ANKFN1: variants seen among roughly 807,000 people sequenced by gnomAD.
ANKFN1 encodes ankyrin repeat and fibronectin type-III domain-containing protein 1.
In ANKFN1, 74 loss-of-function variants were observed where a neutral mutation model predicts 108.7. The observed-to-expected ratio is 0.68, with a 90% CI of 0.56 to 0.83. The LOEUF is 0.83. ANKFN1 is among the 40% of genes least tolerant of loss of function. The probability of loss-of-function intolerance (pLI) is 0.00; values close to 1 mark genes in which losing one functional copy is unlikely to be tolerated. For synonymous variants in ANKFN1, 547 were observed against 516.2 expected (o/e 1.06, Z -0.81); for missense variants, 1,505 against 1,382.3 (o/e 1.09, Z -1.41).
In ANKFN1 at chr17:56,480,678, G is replaced by A; in HGVS notation, c.1951G>A (p.Glu651Lys). Residue 651 changes from glutamate (E) to lysine (K), a missense_variant, in exon 17 of 21, where the codon GAA (glutamate) becomes AAA (lysine). Transcript: ENST00000682825. ...ENNNISREEW[E>K]WIQKLSGSES... ...TGACTCAACATACAGAGAGGAATGG[G>A]AATGGATCCAAAAGCTTTCTGGCTC... 3 of 1,613,780 alleles carry A rather than the reference G, an allele frequency of 1.9e-6. No homozygotes were observed. The highest frequency in any genetic ancestry group is 2.5e-6 in the Non-Finnish European group (3 of 1,179,816).
At chr17:56,100,221 C>T (rs1318313489) in intron 4 of ANKFN1, among the ~76,000 whole-genome samples, 1 of 152,194 alleles carries the variant, frequency 6.6e-6, no homozygotes, top group Admixed American at 6.5e-5. Flanking sequence ...CCCATCTTCT[C>T]TGCAAGGAAG....
intron 4 of ANKFN1, among the ~76,000 whole-genome samples, chr17:56,050,462 T>C (rs1904755546): frequency 7.7e-6 from 1 of 130,210 alleles, no homozygotes; most frequent in Non-Finnish European, 1.6e-5. Context: ...CATGAAGTCC[T>C]TGCCCATGCC....
At chr17:56,268,941 G>A (rs562979874) in intron 3 of ANKFN1, among the ~76,000 whole-genome samples, 2 of 152,240 alleles carry the variant, frequency 1.3e-5, no homozygotes, top group East Asian at 3.9e-4. Flanking sequence ...AAAATGCTCA[G>A]AAAATGCTTC....
At chr17:56,346,234 T>G (rs899028880) in intron 4 of ANKFN1, among the ~76,000 whole-genome samples, 2 of 152,106 alleles carry the variant, frequency 1.3e-5, no homozygotes, top group African/African-American at 4.8e-5. Flanking sequence ...CTCTGTTCTG[T>G]TCCGTTGGTC....
At chr17:56,048,298 A>G (rs9904809) in intron 4 of ANKFN1, among the ~76,000 whole-genome samples, 7,060 of 152,162 alleles carry the variant, frequency 0.046, 464 homozygotes, top group African/African-American at 0.15. Context: ...TGCCCAAAGC[A>G]TTTTTACTTC....
At chr17:56,329,640 G>A (rs12939082) in intron 4 of ANKFN1, among the ~76,000 whole-genome samples, 22,171 of 152,124 alleles carry the variant, frequency 0.15, 2,120 homozygotes, top group East Asian at 0.4. Flanking sequence ...ATTTCTATCT[G>A]TGTAAAATGG....
At chr17:56,366,329 C>A (rs138332266) in intron 6 of ANKFN1, among the ~76,000 whole-genome samples, 279 of 152,226 alleles carry the variant, frequency 1.8e-3, no homozygotes, top group African/African-American at 6.1e-3. Flanking sequence ...CTAGGGAAAG[C>A]AGAAAAATTG....
At chr17:56,331,818 A>G (rs759108) in intron 4 of ANKFN1, among the ~76,000 whole-genome samples, 75,779 of 151,928 alleles carry the variant, frequency 0.5, 19,288 homozygotes, top group Middle Eastern at 0.57. Flanking sequence ...CAAATTATCT[A>G]TTGGGTATTG....
chr17:56,497,100 G>A (rs1015565838), intron 19 of ANKFN1, among the ~76,000 whole-genome samples: 7 of 151,974 alleles, frequency 4.6e-5, no homozygotes, highest in South Asian at 4.2e-4. Flanking sequence ...ACAGTCATGC[G>A]GTGCCTTTAA....
intron 4 of ANKFN1, among the ~76,000 whole-genome samples, chr17:56,063,301 G>T (rs1194742309): frequency 6.6e-6 from 1 of 152,072 alleles, no homozygotes; most frequent in African/African-American, 2.4e-5. Flanking sequence ...GGCCTGTCTT[G>T]TTAGATTGGG....
chr17:56,129,345 A>G (rs187904131), intron 4 of ANKFN1, among the ~76,000 whole-genome samples: 69 of 152,308 alleles, frequency 4.5e-4, no homozygotes, highest in African/African-American at 1.6e-3. Context: ...TGATACCTAT[A>G]TGATATACTC....
chr17:56,260,037 C>T (rs1010033173), intron 3 of ANKFN1, among the ~76,000 whole-genome samples: 7 of 152,058 alleles, frequency 4.6e-5, no homozygotes, highest in African/African-American at 1.7e-4. Context: ...GCCATCCAAG[C>T]AGAGAGCTGC....
intron 4 of ANKFN1, among the ~76,000 whole-genome samples, chr17:56,058,447 C>T (rs1904917603): frequency 6.6e-6 from 1 of 152,220 alleles, no homozygotes; most frequent in Non-Finnish European, 1.5e-5. Flanking sequence ...CATGAACCAA[C>T]CTCTGCTAGC....
intron 16 of ANKFN1, among the ~76,000 whole-genome samples, chr17:56,479,351 G>T (rs1284174080): frequency 6.6e-6 from 1 of 152,004 alleles, no homozygotes; most frequent in Non-Finnish European, 1.5e-5. Context: ...TGTCCTTTAG[G>T]TTTATGCGTG....
Position 56,326,891 on chromosome 17 carries a change from T to A in ANKFN1, c.188+536T>A, listed in dbSNP as rs550044404. Among the ~76,000 whole-genome samples the A allele has an allele frequency of 2.0e-5, 3 of 152,262 alleles. No individual in the cohort carries two copies. In the South Asian group the frequency reaches 6.2e-4, roughly 32 times the overall value. ...TGGGTGAGTGTGCCCATAAATAACA[T>A]TATGACTGTGATACTGAGGATATCT... On this transcript the variant is annotated intron_variant, in intron 4 of 20. Transcript: ENST00000682825.
upstream of ANKFN1, among the ~76,000 whole-genome samples, chr17:56,153,218 T>A (rs1190411254): frequency 6.6e-6 from 1 of 152,212 alleles, no homozygotes; most frequent in African/African-American, 2.4e-5. Flanking sequence ...ATCAATCAAC[T>A]TATTCCCTCC....
intron 2 of ANKFN1, among the ~76,000 whole-genome samples, chr17:56,223,896 C>T (rs1285267470): frequency 6.6e-6 from 1 of 152,194 alleles, no homozygotes; most frequent in Non-Finnish European, 1.5e-5. Context: ...ATATGTATAT[C>T]CTCCAATAAG....
chr17:56,357,122 G>A (rs1251636435), intron 6 of ANKFN1, among the ~76,000 whole-genome samples: 1 of 152,100 alleles, frequency 6.6e-6, no homozygotes, highest in Non-Finnish European at 1.5e-5. Context: ...CAAATGGTGG[G>A]AGATAAACCC....
At chr17:56,271,754 A>C (rs988398252) in intron 3 of ANKFN1, among the ~76,000 whole-genome samples, 1 of 152,184 alleles carries the variant, frequency 6.6e-6, no homozygotes, top group Admixed American at 6.5e-5. Flanking sequence ...ATGGACCTGC[A>C]AGAGACCAGA....
Sources: allele counts gnomAD v4.1 joint callset (sites outside exome capture counted in the v4.1 genomes callset), GRCh38; gene constraint gnomAD v4.1.1; transcripts MANE v1.5; gene names NCBI Gene and HGNC (gene_info 2026-07-23, HGNC 2026-07-21).